The following PCCB variants were observed in gnomAD, a reference collection of about 807,000 sequenced individuals.
The protein encoded by PCCB is propionyl-CoA carboxylase subunit beta.
In PCCB, 43 loss-of-function variants were observed where a neutral mutation model predicts 60.7. That is an observed-to-expected ratio of 0.71 (90% CI 0.55 to 0.91). The LOEUF is 0.91. Ranked by LOEUF, PCCB falls within the 40% of genes least tolerant of loss-of-function variation. The probability of loss-of-function intolerance (pLI) is 0.00; values close to 1 mark genes in which losing one functional copy is unlikely to be tolerated. For missense variants in PCCB, 766 were observed against 702.8 expected, an observed-to-expected ratio of 1.09 and a Z score of -1.02; for synonymous variants, 276 against 255.9, an observed-to-expected ratio of 1.08 and a Z score of -0.75.
intron 5 of PCCB, among the ~76,000 whole-genome samples, chr3:136,281,536 C>T (rs751774855): frequency 6.6e-6 from 1 of 152,108 alleles, no homozygotes; most frequent in Middle Eastern, 3.4e-3. Flanking sequence ...TTTTTTCCCC[C>T]CACAGCTTTC....
At chr3:136,260,678 G>C in intron 4 of PCCB, 143 bp downstream of exon 4, 2 of 722,348 alleles carry the variant, frequency 2.8e-6, no homozygotes, top group Admixed American at 4.3e-5. Context: ...CCGAAGGGGT[G>C]CATAACAATT....
chr3:136,268,878 C>T (rs1470993635), intron 5 of PCCB, among the ~76,000 whole-genome samples: 1 of 152,158 alleles, frequency 6.6e-6, no homozygotes, highest in Non-Finnish European at 1.5e-5. Flanking sequence ...TTCCACTCCA[C>T]GTAGATGGAA....
intron 8 of PCCB, among the ~76,000 whole-genome samples, chr3:136,299,488 G>A (rs1263478910): frequency 6.7e-6 from 1 of 148,522 alleles, no homozygotes; most frequent in Admixed American, 6.6e-5. Context: ...GTGTATGTAT[G>A]TATATGCATG....
At chr3:136,302,463 C>A (rs970340459) in intron 9 of PCCB, among the ~76,000 whole-genome samples, 1 of 120,996 alleles carries the variant, frequency 8.3e-6, no homozygotes, top group Non-Finnish European at 1.8e-5. Context: ...ACTCTTGATT[C>A]TCATTATAAA....
rs771935604 is a variant in PCCB, at chr3:136,298,053, C to A, written c.865C>A (p.Arg289Ser). The change falls in exon 8 of 15, where the codon CGT (arginine) becomes AGT (serine). Residue 289 changes from arginine (R) to serine (S), a missense_variant. Coordinates refer to ENST00000251654, the MANE Select transcript of PCCB (RefSeq NM_000532.5). ...PLSSQDPAPV[R>S]ECHDPSDRLV... Reference sequence around the variant, plus strand: ...GAGCAGTCAGGACCCGGCTCCCGTCCGTGAGTGCCACGATCCCAGGTGGGT... The same window carrying A: ...GAGCAGTCAGGACCCGGCTCCCGTCAGTGAGTGCCACGATCCCAGGTGGGT... The A allele has an allele frequency of 6.2e-7, 1 of 1,614,118 alleles. No individual in the cohort carries two copies. Among genetic ancestry groups the A allele is most frequent in the Non-Finnish European group, 8.5e-7 (1 of 1,179,990 alleles).
intron 1 of PCCB, among the ~76,000 whole-genome samples, chr3:136,253,460 C>T (rs911549644): frequency 6.6e-6 from 1 of 151,840 alleles, no homozygotes; most frequent in Non-Finnish European, 1.5e-5. Flanking sequence ...TCGTGGCTCA[C>T]TACAACCTCT....
chr3:136,321,249 A>G (rs114545237), intron 10 of PCCB, among the ~76,000 whole-genome samples: 2 of 152,246 alleles, frequency 1.3e-5, no homozygotes, highest in African/African-American at 4.8e-5. Flanking sequence ...TGGAAAGTAC[A>G]TAGAATTCCT....
chr3:136,327,160 G>A lies in PCCB; in HGVS notation c.1204G>A (p.Ala402Thr). Residue 402 changes from alanine (A) to threonine (T), a missense_variant, in exon 12 of 15, where the codon GCA (alanine) becomes ACA (threonine). Ala to Thr is a moderately conservative substitution (Grantham distance 58, BLOSUM62 0). Coordinates refer to ENST00000251654, the MANE Select transcript of PCCB (RefSeq NM_000532.5). ...TAACTCTTCCTCATGTCTAGGCACA[G>A]CACAGGAATACGGGGGCATCATCCG... ...VDVPGFLPGTAQEYGGIIRHG... is the reference protein window; with the variant it reads ...VDVPGFLPGTTQEYGGIIRHG... 1 of 1,613,960 alleles carries A rather than the reference G, an allele frequency of 6.2e-7. No individual in the cohort carries two copies. The highest frequency in any genetic ancestry group is 8.5e-7 in the Non-Finnish European group (1 of 1,179,826).
intron 7 of PCCB, 87 bp from the exon 8 acceptor site, chr3:136,297,865 C>T: frequency 1.4e-6 from 2 of 1,473,616 alleles, no homozygotes; most frequent in Non-Finnish European, 1.9e-6. Flanking sequence ...TACTGACATG[C>T]CCTAGAAGGG....
chr3:136,291,865 G>A (rs1933708492), intron 6 of PCCB, among the ~76,000 whole-genome samples: 1 of 152,176 alleles, frequency 6.6e-6, no homozygotes, highest in Non-Finnish European at 1.5e-5. Context: ...TGAGTTCCTA[G>A]AGGTAAAACT....
intron 10 of PCCB, among the ~76,000 whole-genome samples, chr3:136,321,452 G>A (rs1367011477): frequency 6.6e-5 from 10 of 152,338 alleles, no homozygotes; most frequent in South Asian, 4.1e-4. Flanking sequence ...CTGGGAAGGC[G>A]TCAGGAAACT....
At chr3:136,298,466 T>C (rs1003503010) in intron 8 of PCCB, among the ~76,000 whole-genome samples, 4 of 152,216 alleles carry the variant, frequency 2.6e-5, no homozygotes, top group Non-Finnish European at 5.9e-5. Context: ...TGATTCTTCT[T>C]ATGCTGACTA....
chr3:136,275,896 G>A (rs1396037991), intron 5 of PCCB, among the ~76,000 whole-genome samples: 4 of 152,024 alleles, frequency 2.6e-5, no homozygotes, highest in African/African-American at 9.7e-5. Context: ...TCAGCTTCCC[G>A]AGTAGCTGGG....
intron 3 of PCCB, among the ~76,000 whole-genome samples, chr3:136,259,527 T>G (rs1389741548): frequency 6.6e-6 from 1 of 152,208 alleles, no homozygotes; most frequent in East Asian, 1.9e-4. Context: ...GACTGTTTGA[T>G]ATCCATAGAA....
At chr3:136,257,710 GTGGATCACCTGAGGTCAGGAGT>G (rs1268843622) in intron 3 of PCCB, among the ~76,000 whole-genome samples, 4 of 152,194 alleles carry the variant, frequency 2.6e-5, no homozygotes, top group Admixed American at 6.5e-5. Flanking sequence ...GCTGAGATGG[GTGGATCACCTGAGGTCAGGAGT>G]TTGAGACCAG....
chr3:136,266,282 C>T (rs576960832), intron 5 of PCCB, among the ~76,000 whole-genome samples: 1 of 152,254 alleles, frequency 6.6e-6, no homozygotes, highest in South Asian at 2.1e-4. Context: ...GCATGTGCCA[C>T]CATGGCTGGC....
chr3:136,260,499 C>T lies in PCCB; in HGVS notation c.393C>T (p.Gly131=), dbSNP rs2108144426. 1 of 1,613,480 alleles carries T rather than the reference C, an allele frequency of 6.2e-7. No individual in the cohort carries two copies. Among genetic ancestry groups the T allele is most frequent in the Non-Finnish European group, 8.5e-7 (1 of 1,179,502 alleles). ...VFSQDFTVFG[G]SLSGAHAQKI... ...TTTAGGATTTTACAGTTTTTGGAGG[C>T]AGTCTGTCAGGAGCACATGCCCAAA... Residue 131 remains glycine (G), a synonymous_variant, in exon 4 of 15, where the codon GGC becomes GGT. Transcript: ENST00000251654.
chr3:136,304,417 T>A (rs1934388707), intron 9 of PCCB, among the ~76,000 whole-genome samples: 1 of 118,452 alleles, frequency 8.4e-6, no homozygotes, highest in African/African-American at 2.6e-5. Context: ...AGTCTGGCTC[T>A]GTCGCCCGGG....
intron 3 of PCCB, 99 bp downstream of exon 3, chr3:136,256,722 T>C: frequency 1.2e-6 from 1 of 849,864 alleles, no homozygotes; most frequent in Non-Finnish European, 2.0e-6. Context: ...AACTTGCTTG[T>C]AGTTTGGGGA....
Sources: allele counts gnomAD v4.1 joint callset (sites outside exome capture counted in the v4.1 genomes callset), GRCh38; gene constraint gnomAD v4.1.1; transcripts MANE v1.5; gene names NCBI Gene and HGNC (gene_info 2026-07-23, HGNC 2026-07-21).